Variants in TACC1 observed in about 807,000 individuals in gnomAD.
TACC1 encodes transforming acidic coiled-coil containing protein 1, also known as transforming acidic coiled-coil-containing protein 1.
In TACC1, 48 loss-of-function variants were observed where a neutral mutation model predicts 84.4. That is an observed-to-expected ratio of 0.57 (90% CI 0.45 to 0.72). TACC1 has a LOEUF of 0.72. Among genes scored for constraint, TACC1 ranks in the 30% least tolerant of loss-of-function variants. The pLI, the probability that TACC1 is intolerant of heterozygous loss-of-function variation, is 0.00. For synonymous variants in TACC1, 372 were observed against 376.3 expected, an observed-to-expected ratio of 0.99 and a Z score of 0.13; for missense variants, 920 against 973.0, an observed-to-expected ratio of 0.95 and a Z score of 0.72.
Position 38,820,010 on chromosome 8 carries a change from G to C in TACC1, c.766G>C (p.Gly256Arg), listed in dbSNP as rs988961733. The C allele has an allele frequency of 6.2e-7, 1 of 1,613,988 alleles. No homozygotes were observed. The highest frequency in any genetic ancestry group is 8.5e-7 in the Non-Finnish European group (1 of 1,180,038). Residue 256 changes from glycine (G) to arginine (R), a missense_variant, in exon 3 of 13, where the codon GGC becomes CGC. By Grantham distance (125) the Gly-to-Arg change is moderately radical. Coordinates refer to ENST00000317827, the MANE Select transcript of TACC1 (RefSeq NM_006283.3). Reference protein sequence around the residue: ...EFSDTNAAVEGTPLPKASYHF... With the variant: ...EFSDTNAAVERTPLPKASYHF... ...CTCAGACACCAACGCTGCTGTGGAG[G>C]GCACACCTCTCCCCAAGGCATCCTA...
chr8:38,728,616 C>CAGAA (rs1210925196), upstream of TACC1: 1 of 152,278 alleles, frequency 6.6e-6, no homozygotes, highest in Non-Finnish European at 1.5e-5. Context: ...GCAGGTGGCG[C>CAGAA]AGAAGGGAGA....
intron 3 of TACC1, among the ~76,000 whole-genome samples, chr8:38,777,363 C>T (rs998779311): frequency 1.3e-5 from 2 of 152,252 alleles, no homozygotes; most frequent in East Asian, 1.9e-4. Flanking sequence ...CAGCCTGGTG[C>T]GGGTTCTGTC....
chr8:38,779,975 C>T (rs192962630), intron 3 of TACC1, among the ~76,000 whole-genome samples: 6 of 152,302 alleles, frequency 3.9e-5, no homozygotes, highest in Admixed American at 2.0e-4. Flanking sequence ...CTTGTTTTCA[C>T]GAGTTCCTTA....
chr8:38,770,023 T>G (rs1813257950), intron 3 of TACC1, among the ~76,000 whole-genome samples: 1 of 150,636 alleles, frequency 6.6e-6, no homozygotes, highest in Non-Finnish European at 1.5e-5. Context: ...GAGGTGCATG[T>G]GTGACTGTGC....
chr8:38,812,075 G>C (rs1824306676), intron 2 of TACC1, among the ~76,000 whole-genome samples: 1 of 152,148 alleles, frequency 6.6e-6, no homozygotes, highest in African/African-American at 2.4e-5. Context: ...GGCTTACTAG[G>C]ATTGGGAAAT....
chr8:38,735,542 C>T (rs772429308), intron 1 of TACC1, among the ~76,000 whole-genome samples: 2 of 152,058 alleles, frequency 1.3e-5, no homozygotes, highest in Non-Finnish European at 2.9e-5. Context: ...CTTCCTTTCC[C>T]GCTGCTTCCA....
intron 2 of TACC1, 133 bp downstream of exon 2, chr8:38,788,952 C>T (rs1817987437): frequency 2.9e-6 from 2 of 688,688 alleles, no homozygotes; most frequent in South Asian, 3.9e-5. Flanking sequence ...TTTGAAACCT[C>T]CTGGCTTATG....
At chr8:38,814,114 C>A (rs1320257920) in intron 2 of TACC1, among the ~76,000 whole-genome samples, 1 of 152,102 alleles carries the variant, frequency 6.6e-6, no homozygotes, top group African/African-American at 2.4e-5. Flanking sequence ...CTTGGATAAT[C>A]AAATAGAACT....
At chr8:38,790,102 C>T (rs1587703256) in intron 2 of TACC1, among the ~76,000 whole-genome samples, 1 of 152,212 alleles carries the variant, frequency 6.6e-6, no homozygotes, top group East Asian at 1.9e-4. Context: ...CTGAAGGCTC[C>T]AGGAAGTCTG....
At chr8:38,741,413 C>T (rs762002575) in intron 1 of TACC1, among the ~76,000 whole-genome samples, 2 of 152,172 alleles carry the variant, frequency 1.3e-5, no homozygotes, top group Non-Finnish European at 2.9e-5. Flanking sequence ...CCTGCCTCTG[C>T]CTCACAAAGT....
At chr8:38,742,333 G>A in intron 1 of TACC1, 1 of 1,192,830 alleles carries the variant, frequency 8.4e-7, no homozygotes, top group Non-Finnish European at 1.1e-6. Context: ...ACTCCCACCT[G>A]ACTTAATTCT....
At chr8:38,791,940 T>A (rs1447275760) in intron 2 of TACC1, among the ~76,000 whole-genome samples, 2 of 152,234 alleles carry the variant, frequency 1.3e-5, no homozygotes, top group African/African-American at 4.8e-5. Context: ...TGACTTTTCT[T>A]ATACTGGAAC....
chr8:38,770,716 T>TG (rs201046029), intron 3 of TACC1, among the ~76,000 whole-genome samples: 12 of 152,032 alleles, frequency 7.9e-5, no homozygotes, highest in African/African-American at 2.4e-4. Flanking sequence ...ATATCTTATT[T>TG]GGGGGGAAAA....
At chr8:38,807,178 C>G (rs570320341) in intron 2 of TACC1, among the ~76,000 whole-genome samples, 7 of 152,134 alleles carry the variant, frequency 4.6e-5, no homozygotes, top group Non-Finnish European at 1.0e-4. Flanking sequence ...CTCATACTTC[C>G]GAGAGTTTTT....
At chr8:38,755,622 T>C (rs1023524062) in intron 3 of TACC1, among the ~76,000 whole-genome samples, 1 of 151,746 alleles carries the variant, frequency 6.6e-6, no homozygotes, top group Non-Finnish European at 1.5e-5. Context: ...GAGGGCTGCT[T>C]GAGCCCAGGA....
At chr8:38,838,382 G>C (rs113668179) in intron 7 of TACC1, 88 bp from the exon 8 acceptor site, 25 of 869,162 alleles carry the variant, frequency 2.9e-5, no homozygotes, top group African/African-American at 2.5e-4. Context: ...AACATCTTGG[G>C]TTAGACCTGG....
intron 1 of TACC1, among the ~76,000 whole-genome samples, chr8:38,741,157 A>ATT (rs34749807): frequency 4.4e-5 from 6 of 137,790 alleles, no homozygotes; most frequent in East Asian, 2.1e-4. Context: ...TCATGCTGCT[A>ATT]TTTTTTTTTT....
At chr8:38,800,546 A>C (rs968242156) in intron 2 of TACC1, among the ~76,000 whole-genome samples, 1 of 152,198 alleles carries the variant, frequency 6.6e-6, no homozygotes, top group Non-Finnish European at 1.5e-5. Flanking sequence ...TCAGTTCACT[A>C]ACCATGTTTT....
At position 38,787,739 on chromosome 8, in the gene TACC1, T is replaced by C; in HGVS notation, c.157T>C (p.Phe53Leu). ...GCAAGCCGAGACCAAATCCTTGAGT[T>C]TCAGGCAAGTACACGGCGTCCCCGC... Reference protein sequence around the residue: ...DSQAETKSLSFSSDSEGNFET... With the variant: ...DSQAETKSLSLSSDSEGNFET... The change falls in exon 1 of 13, where the codon TTC (phenylalanine) becomes CTC (leucine). Residue 53 changes from phenylalanine to leucine, a missense_variant. By Grantham distance (22) the Phe-to-Leu change is conservative (BLOSUM62 0). Transcript: ENST00000317827. 6.5e-7 allele frequency: 1 copy of C among 1,537,718 alleles called. No individual in the cohort carries two copies. Among genetic ancestry groups the C allele is most frequent in the Non-Finnish European group, 8.7e-7 (1 of 1,150,778 alleles).
Sources: allele counts gnomAD v4.1 joint callset (sites outside exome capture counted in the v4.1 genomes callset), GRCh38; gene constraint gnomAD v4.1.1; transcripts MANE v1.5; gene names NCBI Gene and HGNC (gene_info 2026-07-23, HGNC 2026-07-21).